Variants in PIK3CB observed in about 807,000 individuals in gnomAD.
The protein encoded by PIK3CB is phosphatidylinositol-4,5-bisphosphate 3-kinase catalytic subunit beta.
A neutral mutation model predicts 136.8 loss-of-function variants in PIK3CB; 39 were observed. The observed-to-expected ratio is 0.29, with a 90% CI of 0.22 to 0.37. PIK3CB has a LOEUF of 0.37. Among genes scored for constraint, PIK3CB ranks in the 10% least tolerant of loss-of-function variants. PIK3CB has a pLI of 1.00. For synonymous variants in PIK3CB, 428 were observed against 436.6 expected (o/e 0.98, Z 0.25); for missense variants, 868 against 1,275.4 (o/e 0.68, Z 4.87).
intron 8 of PIK3CB, among the ~76,000 whole-genome samples, chr3:138,732,316 C>A (rs993049906): frequency 8.5e-5 from 13 of 152,104 alleles, no homozygotes; most frequent in Non-Finnish European, 1.2e-4. Flanking sequence ...CAAATTATTT[C>A]TCTCAACTTT....
chr3:138,767,275 T>C (rs913144049), intron 2 of PIK3CB, among the ~76,000 whole-genome samples: 2 of 152,224 alleles, frequency 1.3e-5, no homozygotes, highest in East Asian at 1.9e-4. Context: ...TTTTTTGTTA[T>C]ACAAAACTGT....
intron 2 of PIK3CB, among the ~76,000 whole-genome samples, chr3:138,767,247 T>C (rs920867598): frequency 9.2e-5 from 14 of 152,126 alleles, no homozygotes; most frequent in African/African-American, 3.4e-4. Flanking sequence ...AATTCAAAAA[T>C]CATGTTTATA....
chr3:138,743,280 G>A (rs894002268), intron 4 of PIK3CB, among the ~76,000 whole-genome samples: 28 of 151,978 alleles, frequency 1.8e-4, no homozygotes, highest in African/African-American at 4.6e-4. Flanking sequence ...GAGGGAATAC[G>A]GAAAATCTCT....
intron 23 of PIK3CB, 77 bp downstream of exon 23, chr3:138,656,065 C>T: frequency 6.9e-7 from 1 of 1,440,086 alleles, no homozygotes; most frequent in Non-Finnish European, 9.7e-7. Flanking sequence ...TTCCTTCAGC[C>T]ACTTGAATAA....
chr3:138,685,420 A>AAAAAAAAAAAAAGAAAG (rs2043866681), intron 16 of PIK3CB, among the ~76,000 whole-genome samples: 7 of 86,894 alleles, frequency 8.1e-5, no homozygotes, highest in South Asian at 6.3e-4. Context: ...AAAAAAAAAA[A>AAAAAAAAAAAAAGAAAG]AAAGAAAGAA....
At chr3:138,670,511 T>C (rs1235106651) in intron 19 of PIK3CB, among the ~76,000 whole-genome samples, 1 of 152,186 alleles carries the variant, frequency 6.6e-6, no homozygotes, top group Non-Finnish European at 1.5e-5. Flanking sequence ...ATAATAAATA[T>C]TTTAGGCACT....
intron 2 of PIK3CB, among the ~76,000 whole-genome samples, chr3:138,766,161 G>A (rs925047626): frequency 2.7e-4 from 41 of 152,212 alleles, no homozygotes; most frequent in African/African-American, 8.9e-4. Context: ...AATGTTATAG[G>A]TGTTTCTGAA....
chr3:138,720,675 T>A (rs188447358), intron 8 of PIK3CB, among the ~76,000 whole-genome samples: 2 of 152,270 alleles, frequency 1.3e-5, no homozygotes, highest in Admixed American at 1.3e-4. Context: ...AAGACCAGCC[T>A]GGGCAACATG....
intron 1 of PIK3CB, among the ~76,000 whole-genome samples, chr3:138,810,793 G>A (rs1036710723): frequency 1.1e-4 from 17 of 152,072 alleles, no homozygotes; most frequent in Non-Finnish European, 1.8e-4. Context: ...GGTGGCAGGC[G>A]CCTGTAGTCC....
chr3:138,727,245 T>G (rs2044858781), intron 8 of PIK3CB, among the ~76,000 whole-genome samples: 1 of 152,198 alleles, frequency 6.6e-6, no homozygotes, highest in Non-Finnish European at 1.5e-5. Context: ...CTATATGATC[T>G]CTCAGACTGC....
intron 1 of PIK3CB, among the ~76,000 whole-genome samples, chr3:138,826,898 C>T (rs1240739086): frequency 6.6e-6 from 1 of 151,884 alleles, no homozygotes; most frequent in Non-Finnish European, 1.5e-5. Context: ...GTAAAAACCC[C>T]GTCTCTACTA....
intron 19 of PIK3CB, among the ~76,000 whole-genome samples, chr3:138,676,717 C>T (rs542084955): frequency 6.6e-6 from 1 of 152,160 alleles, no homozygotes; most frequent in South Asian, 2.1e-4. Flanking sequence ...ACTTTGAAGC[C>T]ATTACGCTTA....
intron 10 of PIK3CB, among the ~76,000 whole-genome samples, chr3:138,709,110 A>G (rs2044441179): frequency 6.6e-6 from 1 of 152,100 alleles, no homozygotes; most frequent in African/African-American, 2.4e-5. Flanking sequence ...TATATACTAC[A>G]CATGGAGAGC....
At chr3:138,768,242 C>T (rs558184534) in intron 2 of PIK3CB, among the ~76,000 whole-genome samples, 28 of 151,888 alleles carry the variant, frequency 1.8e-4, no homozygotes, top group Non-Finnish European at 3.8e-4. Flanking sequence ...CTCCTCTCTG[C>T]ACCCTGTTGT....
At chr3:138,782,611 C>G (rs932843465) in intron 2 of PIK3CB, among the ~76,000 whole-genome samples, 1 of 152,140 alleles carries the variant, frequency 6.6e-6, no homozygotes, top group Non-Finnish European at 1.5e-5. Context: ...TTAGAAGTGG[C>G]CATGTACTAA....
At chr3:138,734,428 C>A (rs774297700) in intron 7 of PIK3CB, among the ~76,000 whole-genome samples, 1 of 152,026 alleles carries the variant, frequency 6.6e-6, no homozygotes, top group Non-Finnish European at 1.5e-5. Context: ...AAAATATAAA[C>A]GGCATATTTA....
chr3:138,772,908 C>A (rs1374613978), intron 2 of PIK3CB, among the ~76,000 whole-genome samples: 2 of 151,008 alleles, frequency 1.3e-5, no homozygotes, highest in African/African-American at 4.9e-5. Context: ...GCCTCAACCT[C>A]CCAAGTAGCT....
chr3:138,791,381 C>T (rs1361032941), intron 2 of PIK3CB, among the ~76,000 whole-genome samples: 2 of 152,070 alleles, frequency 1.3e-5, no homozygotes, highest in Non-Finnish European at 2.9e-5. Context: ...GGGATCTGCC[C>T]GTCTCAGCCT....
At chr3:138,710,023 CA>C (rs34985570) in intron 10 of PIK3CB, among the ~76,000 whole-genome samples, 51,427 of 91,782 alleles carry the variant, frequency 0.56, 12,070 homozygotes, top group East Asian at 0.94. Flanking sequence ...ACAAAAAATA[CA>C]AAAAAAAAAA....
Sources: allele counts gnomAD v4.1 joint callset (sites outside exome capture counted in the v4.1 genomes callset), GRCh38; gene constraint gnomAD v4.1.1; transcripts MANE v1.5; gene names NCBI Gene and HGNC (gene_info 2026-07-23, HGNC 2026-07-21).